The following GPHN variants were observed in gnomAD, a reference collection of about 807,000 sequenced individuals.
GPHN encodes the protein gephyrin.
GPHN carries 17 observed loss-of-function variants against 95.5 expected under a neutral mutation model. That is an observed-to-expected ratio of 0.18 (90% CI 0.12 to 0.27). GPHN has a LOEUF of 0.27. Ranked by LOEUF, GPHN falls within the 10% of genes least tolerant of loss-of-function variation. The pLI, the probability that GPHN is intolerant of heterozygous loss-of-function variation, is 1.00. For missense variants in GPHN, 660 were observed against 978.1 expected (o/e 0.67, Z 4.34); for synonymous variants, 320 against 322.5 (o/e 0.99, Z 0.08).
chr14:67,198,914 A>G, the GPHN span: 13 of 696,462 alleles, frequency 1.9e-5, no homozygotes, highest in Non-Finnish European at 2.9e-5. Context: ...TAGAAATTCC[A>G]TAACAAAGTC....
intron 9 of GPHN, among the ~76,000 whole-genome samples, chr14:66,987,371 G>A (rs1225210131): frequency 1.3e-5 from 2 of 152,092 alleles, no homozygotes; most frequent in Non-Finnish European, 2.9e-5. Flanking sequence ...AAACTGGATT[G>A]TATGTGCGAG....
chr14:67,665,259 C>G, the GPHN span, among the ~76,000 whole-genome samples: 1 of 126,534 alleles, frequency 7.9e-6, no homozygotes, highest in African/African-American at 3.0e-5. Context: ...TCAGTTATAT[C>G]TTTTTTTTTT....
chr14:66,774,605 TTA>T (rs1373092001), intron 2 of GPHN, among the ~76,000 whole-genome samples: 1 of 152,214 alleles, frequency 6.6e-6, no homozygotes, highest in Admixed American at 6.5e-5. Context: ...TGTATTCCAC[TTA>T]TATTGTTTAA....
intron 14 of GPHN, among the ~76,000 whole-genome samples, chr14:67,111,349 TAAA>T (rs2153685931): frequency 6.6e-6 from 1 of 152,296 alleles, no homozygotes; most frequent in South Asian, 2.1e-4. Context: ...TCACAGCCCA[TAAA>T]TGTAAAATTG....
chr14:66,592,471 C>A lies in GPHN; in HGVS notation c.64+83880C>A, dbSNP rs12399879. ...CAAATATACAAGAAAAAAAAAAAAA[C>A]CCCGTCAAGAAGTGGGCGAAGGATA... is the stretch of plus-strand genomic sequence containing the variant. On this transcript the variant is annotated intron_variant, in intron 1 of 22. Transcript: ENST00000478722. 4.3e-3 allele frequency among the ~76,000 whole-genome samples: 329 copies of A among 75,832 alleles called. 2 individuals carry two copies. Among genetic ancestry groups the A allele is most frequent in the African/African-American group, 0.02 (107 of 5,314 alleles). The allele number at this position is 75,832 out of a possible 152,430, so 49.7% of individuals were successfully genotyped here.
chr14:67,270,888 A>G, the GPHN span: 1 of 152,202 alleles, frequency 6.6e-6, no homozygotes, highest in African/African-American at 2.4e-5. Context: ...TTCTTGTAGA[A>G]TTAGGGACTT....
intron 8 of GPHN, among the ~76,000 whole-genome samples, chr14:66,929,534 T>A (rs914326620): frequency 2.0e-5 from 3 of 152,150 alleles, no homozygotes; most frequent in African/African-American, 7.2e-5. Context: ...TCATATCCTC[T>A]TGCTGAATTG....
At chr14:67,295,110 T>TGTGC in the GPHN span, 1 of 149,996 alleles carries the variant, frequency 6.7e-6, no homozygotes, top group Non-Finnish European at 1.5e-5. Flanking sequence ...TTGAAGTGTG[T>TGTGC]GTGTGTGTGT....
At chr14:67,224,493 C>T in the GPHN span, 1 of 169,992 alleles carries the variant, frequency 5.9e-6, no homozygotes, top group Admixed American at 6.2e-5. Flanking sequence ...ATCTCCTGAC[C>T]TCATGATCCG....
chr14:66,938,307 AG>A (rs1045462127), intron 8 of GPHN, among the ~76,000 whole-genome samples: 2 of 152,218 alleles, frequency 1.3e-5, no homozygotes, highest in Non-Finnish European at 2.9e-5. Context: ...TTAAGAAATC[AG>A]GGTCTACTAA....
chr14:67,219,844 A>G, the GPHN span, among the ~76,000 whole-genome samples: 109 of 152,294 alleles, frequency 7.2e-4, no homozygotes, highest in African/African-American at 2.6e-3. Flanking sequence ...ACAAAACAAA[A>G]CAAATTTTGG....
the GPHN span, among the ~76,000 whole-genome samples, chr14:67,288,945 GTTTTA>G: frequency 2.1e-5 from 3 of 143,224 alleles, no homozygotes; most frequent in East Asian, 2.1e-4. Flanking sequence ...CAAGGAAAAA[GTTTTA>G]TTTTCTTTAT....
At chr14:67,231,247 G>A in the GPHN span, among the ~76,000 whole-genome samples, 1 of 152,198 alleles carries the variant, frequency 6.6e-6, no homozygotes, top group East Asian at 1.9e-4. Context: ...CAGATTAGTG[G>A]TTGCCTGGGG....
chr14:67,089,433 G>A (rs531526932), intron 12 of GPHN, among the ~76,000 whole-genome samples: 4 of 152,088 alleles, frequency 2.6e-5, no homozygotes, highest in Non-Finnish European at 5.9e-5. Context: ...AATCACATCA[G>A]GGTAAATGTG....
intron 4 of GPHN, among the ~76,000 whole-genome samples, chr14:66,841,867 C>G (rs529978153): frequency 6.6e-6 from 1 of 151,916 alleles, no homozygotes; most frequent in African/African-American, 2.4e-5. Context: ...CGGGTGAAAC[C>G]CTGTCTCTAG....
chr14:66,602,856 C>T (rs1427397413), intron 1 of GPHN, among the ~76,000 whole-genome samples: 1 of 151,782 alleles, frequency 6.6e-6, no homozygotes, highest in Non-Finnish European at 1.5e-5. Flanking sequence ...AATAAAAAGT[C>T]CTCTCTGTGC....
intron 18 of GPHN, among the ~76,000 whole-genome samples, chr14:67,157,431 G>A (rs1279192316): frequency 6.6e-6 from 1 of 152,136 alleles, no homozygotes; most frequent in Admixed American, 6.5e-5. Flanking sequence ...TTCAGAGGAG[G>A]CTGAGAAGAT....
chr14:66,715,537 CTTTG>C (rs1359611785), intron 2 of GPHN, among the ~76,000 whole-genome samples: 3 of 151,896 alleles, frequency 2.0e-5, no homozygotes, highest in East Asian at 1.9e-4. Context: ...TTTGGTTTCT[CTTTG>C]TTTGTCTAGT....
At chr14:66,560,592 G>T (rs2060192479) in intron 1 of GPHN, among the ~76,000 whole-genome samples, 1 of 152,168 alleles carries the variant, frequency 6.6e-6, no homozygotes, top group Non-Finnish European at 1.5e-5. Flanking sequence ...CATTGATTTT[G>T]TGTCCTGAGA....
Sources: allele counts gnomAD v4.1 joint callset (sites outside exome capture counted in the v4.1 genomes callset), GRCh38; gene constraint gnomAD v4.1.1; transcripts MANE v1.5; gene names NCBI Gene and HGNC (gene_info 2026-07-23, HGNC 2026-07-21).